The following RC3H2 variants were observed in gnomAD, a reference collection of about 807,000 sequenced individuals.
RC3H2 encodes the protein ring finger and CCCH-type domains 2.
In RC3H2, 31 loss-of-function variants were observed where a neutral mutation model predicts 133.3. That is an observed-to-expected ratio of 0.23 (90% confidence interval 0.17 to 0.31). RC3H2 has a LOEUF of 0.31. Among genes scored for constraint, RC3H2 ranks in the 10% least tolerant of loss-of-function variants. The pLI, the probability that RC3H2 is intolerant of heterozygous loss-of-function variation, is 1.00. For missense variants in RC3H2, 1,175 were observed against 1,437.2 expected, an observed-to-expected ratio of 0.82 and a Z score of 2.95; for synonymous variants, 517 against 502.2, an observed-to-expected ratio of 1.03 and a Z score of -0.40.
intron 4 of RC3H2, among the ~76,000 whole-genome samples, chr9:122,889,011 T>C (rs1438641148): frequency 1.3e-5 from 2 of 152,234 alleles, no homozygotes; most frequent in Non-Finnish European, 2.9e-5. Context: ...GCCAATCTGA[T>C]AGGTGAGAAA....
intron 15 of RC3H2, 96 bp downstream of exon 15, chr9:122,855,087 TG>T: frequency 1.0e-6 from 1 of 961,072 alleles, no homozygotes; most frequent in Non-Finnish European, 1.5e-6. Flanking sequence ...CATTCCAGTC[TG>T]GGCAACAGAG....
At chr9:122,854,867 G>A in intron 15 of RC3H2, among the ~76,000 whole-genome samples, 1 of 152,134 alleles carries the variant, frequency 6.6e-6, no homozygotes, top group Non-Finnish European at 1.5e-5. Context: ...ACTTTGCGAG[G>A]CTGAGGCGGG....
intron 1 of RC3H2, among the ~76,000 whole-genome samples, chr9:122,898,749 C>CA (rs11433169): frequency 0.7 from 94,479 of 134,894 alleles, 34,666 homozygotes; most frequent in Middle Eastern, 0.84. Flanking sequence ...AACTTAATCT[C>CA]AAAAAAAAAA....
rs1208921992 is a variant in RC3H2 at position 122,858,218 on chromosome 9, CCTAGT to C, written c.2284-130_2284-126del. The C allele has an allele frequency of 1.3e-5, 11 of 831,968 alleles. No homozygotes were observed. In the East Asian group the frequency reaches 1.8e-4, roughly 14 times the overall value. 51.5% of individuals were successfully genotyped at this position (831,968 alleles called of 1,614,324 possible). A position where few individuals can be genotyped will look rare whatever the true frequency, so the allele number is the denominator to read the frequency against. ...AAAAAAATACAGCAGGGAAAGTCAC[CCTAGT>C]CTATTCTCCATACACTTAAAATAAA... On this transcript the variant is annotated intron_variant, in intron 12 of 20. Coordinates refer to ENST00000357244, the MANE Select transcript of RC3H2 (RefSeq NM_001100588.3).
intron 10 of RC3H2, 113 bp from the exon 11 acceptor site, chr9:122,860,244 A>G (rs1830405213): frequency 2.7e-6 from 2 of 742,570 alleles, no homozygotes; most frequent in East Asian, 5.3e-5. Flanking sequence ...AAAACACTTC[A>G]GACATTGCCA....
chr9:122,887,933 C>A (rs1423098329), intron 4 of RC3H2, among the ~76,000 whole-genome samples: 1 of 151,968 alleles, frequency 6.6e-6, no homozygotes, highest in South Asian at 2.1e-4. Context: ...TTAGTAGAGA[C>A]AGGGTTTCGC....
At chr9:122,852,544 C>A (rs1223686853) in intron 18 of RC3H2, among the ~76,000 whole-genome samples, 6 of 148,110 alleles carry the variant, frequency 4.1e-5, no homozygotes, top group African/African-American at 1.5e-4. Context: ...GGGGGGTCAG[C>A]CCCCCGCCCG....
chr9:122,863,188 C>T (rs188617513), intron 10 of RC3H2, among the ~76,000 whole-genome samples: 39 of 152,294 alleles, frequency 2.6e-4, no homozygotes, highest in Admixed American at 2.4e-3. Context: ...TTGTATCTGG[C>T]TTCTTTCATT....
chr9:122,878,714 G>A (rs1252101024), intron 8 of RC3H2, among the ~76,000 whole-genome samples: 1 of 151,866 alleles, frequency 6.6e-6, no homozygotes, highest in Non-Finnish European at 1.5e-5. Flanking sequence ...TTATTAAATA[G>A]AAGTTATAAG....
chr9:122,905,345 C>T lies in RC3H2; in HGVS notation c.-303G>A. The T allele has an allele frequency of 1.1e-6, 1 of 950,204 alleles. No individual in the cohort carries two copies. Among genetic ancestry groups the T allele is most frequent in the Non-Finnish European group, 1.3e-6 (1 of 797,754 alleles). The allele number at this position is 950,204 out of a possible 1,614,324, so 58.9% of individuals were successfully genotyped here. A position where few individuals can be genotyped will look rare whatever the true frequency, so the allele number is the denominator to read the frequency against. On this transcript the variant is annotated 5_prime_UTR_variant, in exon 1 of 21. Coordinates refer to ENST00000357244, the MANE Select transcript of RC3H2 (RefSeq NM_001100588.3). ...CTCCTCCTCCTCCTCACCACGGAGG[C>T]GGACCTGGAGGGATCCCGATCTAGC...
At position 122,845,451 on chromosome 9, in the gene RC3H2, G is replaced by A. The variant is rs1180809160; in HGVS notation, c.*4176C>T. The stretch of plus-strand genomic sequence containing the variant: ...AGGCCTAATTCTCGACAGGTTGATG[G>A]AATATGTGCAAATGACCTTGGCTTT... On this transcript the variant is annotated 3_prime_UTR_variant, in exon 21 of 21. Transcript: ENST00000357244. 1 of 152,128 alleles carries A rather than the reference G, an allele frequency of 6.6e-6. No homozygotes were observed. Among genetic ancestry groups the A allele is most frequent in the Non-Finnish European group, 1.5e-5 (1 of 68,014 alleles). 9.4% of individuals were successfully genotyped at this position (152,128 alleles called of 1,614,324 possible). A position where few individuals can be genotyped will look rare whatever the true frequency, so the allele number is the denominator to read the frequency against.
At chr9:122,875,459 A>G in intron 9 of RC3H2, 1 of 1,415,806 alleles carries the variant, frequency 7.1e-7, no homozygotes, top group Non-Finnish European at 9.3e-7. Flanking sequence ...GCCATGCCCA[A>G]TTTATGCATT....
intron 5 of RC3H2, among the ~76,000 whole-genome samples, chr9:122,881,188 G>A (rs1279506199): frequency 5.9e-5 from 9 of 152,250 alleles, no homozygotes; most frequent in Admixed American, 2.0e-4. Flanking sequence ...AGTTTCCTGA[G>A]CAAAGAAAGG....
At position 122,846,952 on chromosome 9, in the gene RC3H2, G is replaced by T. The variant is rs1228399810; in HGVS notation, c.*2675C>A. The T allele has an allele frequency of 6.6e-6, 1 of 152,120 alleles. No homozygotes were observed. The highest frequency in any genetic ancestry group is 6.5e-5 in the Admixed American group (1 of 15,272). 9.4% of individuals were successfully genotyped at this position (152,120 alleles called of 1,614,324 possible). A position where few individuals can be genotyped will look rare whatever the true frequency, so the allele number is the denominator to read the frequency against. ...AAGCCCACCATGACAGACAGAAGGTGACCACTACATAGAGAATGGATGCAA... is the reference window on the plus strand; with the variant it reads ...AAGCCCACCATGACAGACAGAAGGTTACCACTACATAGAGAATGGATGCAA... On this transcript the variant is annotated 3_prime_UTR_variant, in exon 21 of 21. Transcript: ENST00000357244.
Position 122,854,644 on chromosome 9 carries a change from C to A in RC3H2, c.2816-29G>T. 2.0e-6 allele frequency: 3 copies of A among 1,475,478 alleles called. No homozygotes were observed. The South Asian group carries it at 3.4e-5, about 17-fold the overall frequency. The allele number at this position is 1,475,478 out of a possible 1,614,324, so 91.4% of individuals were successfully genotyped here. ...CAGACATGTAGAATGAAACAATGGT[C>A]AAAAAAGTGAAAAATCAGTGTACTG... On this transcript the variant is annotated intron_variant, in intron 15 of 20. Coordinates refer to ENST00000357244, the MANE Select transcript of RC3H2 (RefSeq NM_001100588.3).
At chr9:122,877,968 C>T (rs1158494149) in intron 8 of RC3H2, among the ~76,000 whole-genome samples, 2 of 151,942 alleles carry the variant, frequency 1.3e-5, no homozygotes, top group Non-Finnish European at 2.9e-5. Flanking sequence ...CTTAAACTTT[C>T]TCAGAAAAGG....
At chr9:122,878,563 C>T (rs372949080) in intron 8 of RC3H2, among the ~76,000 whole-genome samples, 2 of 152,098 alleles carry the variant, frequency 1.3e-5, no homozygotes, top group African/African-American at 4.8e-5. Flanking sequence ...AGCCACCGCG[C>T]CCAGCCCCCT....
intron 1 of RC3H2, among the ~76,000 whole-genome samples, chr9:122,899,453 C>T (rs907402173): frequency 6.6e-6 from 1 of 152,176 alleles, no homozygotes; most frequent in South Asian, 2.1e-4. Flanking sequence ...AATTACAGGG[C>T]TTGCTATGTA....
At chr9:122,867,508 CGCCTCTGCCCGGCCGCCT>C (rs1272713163) in intron 9 of RC3H2, among the ~76,000 whole-genome samples, 7 of 135,380 alleles carry the variant, frequency 5.2e-5, no homozygotes, top group South Asian at 2.5e-4. Context: ...ATGTGAGGGG[CGCCTCTGCCCGGCCGCCT>C]ATCGTCTGGG....
Sources: gnomAD v4.1 joint callset for allele counts (sites outside exome capture counted in the v4.1 genomes callset) on GRCh38, gnomAD v4.1.1 for gene constraint, MANE v1.5 for transcripts, NCBI Gene and HGNC (gene_info 2026-07-23, HGNC 2026-07-21) for gene names.